PLCH1: variants seen among roughly 807,000 people sequenced by gnomAD.
PLCH1 encodes the protein phospholipase C eta 1.
A neutral mutation model predicts 126.7 loss-of-function variants in PLCH1; 60 were observed. The observed-to-expected ratio is 0.47, with a 90% CI of 0.38 to 0.59. PLCH1 has a LOEUF of 0.59. PLCH1 is among the 20% of genes least tolerant of loss of function. The pLI, the probability that PLCH1 is intolerant of heterozygous loss-of-function variation, is 0.00. For synonymous variants in PLCH1, 719 were observed against 734.9 expected (o/e 0.98, Z 0.35); for missense variants, 1,723 against 2,040.0 (o/e 0.84, Z 2.99).
intron 21 of PLCH1, among the ~76,000 whole-genome samples, chr3:155,469,019 G>T (rs1713044540): frequency 6.6e-6 from 1 of 152,184 alleles, no homozygotes; most frequent in South Asian, 2.1e-4. Context: ...CATATGTTAG[G>T]TCACAAAACA....
At chr3:155,710,772 G>C (rs1747062311) in intron 1 of PLCH1, among the ~76,000 whole-genome samples, 1 of 151,266 alleles carries the variant, frequency 6.6e-6, no homozygotes, top group Admixed American at 6.6e-5. Flanking sequence ...GGCAGAGGTT[G>C]CAGTGAGCTG....
chr3:155,492,542 T>C (rs1167094623), intron 18 of PLCH1, among the ~76,000 whole-genome samples, 187 bp downstream of exon 18: 3 of 152,184 alleles, frequency 2.0e-5, no homozygotes, highest in Non-Finnish European at 4.4e-5. Flanking sequence ...GCCTTCAAAA[T>C]AGATGATGGA....
At chr3:155,580,690 T>C (rs542121822) in intron 6 of PLCH1, among the ~76,000 whole-genome samples, 5 of 152,322 alleles carry the variant, frequency 3.3e-5, no homozygotes, top group African/African-American at 1.2e-4. Context: ...TACTAATTAA[T>C]ATTTTTAGTA....
chr3:155,554,536 C>A (rs996223347), intron 8 of PLCH1, among the ~76,000 whole-genome samples: 1 of 129,590 alleles, frequency 7.7e-6, no homozygotes, highest in Admixed American at 8.2e-5. Flanking sequence ...AGGTCATTTA[C>A]CCAATTTCAC....
chr3:155,534,539 G>A lies in PLCH1; in HGVS notation c.1363-10535C>T, dbSNP rs1306774259. On this transcript the variant is annotated intron_variant, in intron 10 of 22. Transcript: ENST00000460012. The stretch of plus-strand genomic sequence containing the variant: ...TGAGACTTTGGACTTGGACTTTTGG[G>A]TTAAGCCTGGAAAGAGTTAAGACTT... Among the ~76,000 whole-genome samples, 2 of 152,192 alleles carry A rather than the reference G, an allele frequency of 1.3e-5. 1 individual carries two copies. The highest frequency in any genetic ancestry group is 4.1e-4 in the South Asian group (2 of 4,836).
intron 2 of PLCH1, among the ~76,000 whole-genome samples, chr3:155,681,880 G>A (rs528478173): frequency 1.2e-4 from 19 of 152,114 alleles, no homozygotes; most frequent in Non-Finnish European, 2.4e-4. Flanking sequence ...CTACCACTGA[G>A]GCATTGTCCT....
chr3:155,526,781 G>A (rs960582146), intron 10 of PLCH1, among the ~76,000 whole-genome samples: 2 of 152,186 alleles, frequency 1.3e-5, no homozygotes, highest in Non-Finnish European at 2.9e-5. Flanking sequence ...TACAGGGACT[G>A]TGGAATATTC....
intron 1 of PLCH1, among the ~76,000 whole-genome samples, chr3:155,718,007 C>T (rs1404642794): frequency 1.3e-5 from 2 of 152,192 alleles, no homozygotes; most frequent in African/African-American, 2.4e-5. Context: ...CACTTCTGAG[C>T]ATAGGCTGTT....
At chr3:155,472,544 T>C (rs937270573) in intron 21 of PLCH1, among the ~76,000 whole-genome samples, 3 of 151,214 alleles carry the variant, frequency 2.0e-5, no homozygotes, top group African/African-American at 7.3e-5. Context: ...TTCCAATCAA[T>C]AGAAAAAGAG....
intron 21 of PLCH1, among the ~76,000 whole-genome samples, chr3:155,463,865 T>C (rs1351721097): frequency 2.6e-5 from 4 of 152,182 alleles, no homozygotes; most frequent in Non-Finnish European, 5.9e-5. Flanking sequence ...TCTTCCTCCT[T>C]CTAGGCATAC....
intron 11 of PLCH1, among the ~76,000 whole-genome samples, chr3:155,518,741 A>T (rs1416755297): frequency 2.0e-5 from 3 of 152,172 alleles, no homozygotes; most frequent in Non-Finnish European, 4.4e-5. Flanking sequence ...GGACAAAAAA[A>T]AAGAAAGCAT....
intron 21 of PLCH1, among the ~76,000 whole-genome samples, chr3:155,464,300 G>T (rs1712848595): frequency 6.6e-6 from 1 of 152,218 alleles, no homozygotes; most frequent in Non-Finnish European, 1.5e-5. Flanking sequence ...CTCTATGCAA[G>T]CTTATGGAAC....
Position 155,542,290 on chromosome 3 carries a change from A to G in PLCH1, c.1362+7497T>C, listed in dbSNP as rs537441959. ...ATGGAGTCTCGCCGATTGCTAGCAC[A>G]GCAGTCTGAGATCAAACTGCAAGGC... is the stretch of plus-strand genomic sequence containing the variant. On this transcript the variant is annotated intron_variant, in intron 10 of 22. Coordinates refer to ENST00000460012, the MANE Select transcript of PLCH1 (RefSeq NM_014996.4). 1.1e-4 allele frequency among the ~76,000 whole-genome samples: 17 copies of G among 152,312 alleles called. No homozygotes were observed. The East Asian group carries it at 3.3e-3, about 29-fold the overall frequency.
chr3:155,492,956 A>G (rs1716473278), intron 17 of PLCH1, 103 bp from the exon 18 acceptor site: 7 of 978,966 alleles, frequency 7.2e-6, no homozygotes, highest in Non-Finnish European at 1.0e-5. Flanking sequence ...ACAAATGCTG[A>G]ATTACATGAT....
chr3:155,655,726 A>T (rs1741281190), intron 2 of PLCH1, among the ~76,000 whole-genome samples: 1 of 152,198 alleles, frequency 6.6e-6, no homozygotes. Flanking sequence ...CATGGAAAAG[A>T]GAAGGGGGTA....
At position 155,639,981 on chromosome 3, in the gene PLCH1, G is replaced by A. The variant is rs1281001618; in HGVS notation, c.80-43603C>T. ...GCTTCCTTCTTCTTTGCCTTCTGTC[G>A]TGATTGTAAGCTTTCTGAGGCCTCC... On this transcript the variant is annotated intron_variant, in intron 2 of 22. Coordinates refer to ENST00000460012, the MANE Select transcript of PLCH1 (RefSeq NM_014996.4). Among the ~76,000 whole-genome samples the A allele has an allele frequency of 2.6e-5, 4 of 152,224 alleles. No homozygotes were observed. In the East Asian group the frequency reaches 5.8e-4, roughly 22 times the overall value.
chr3:155,574,380 C>G (rs893357817), intron 6 of PLCH1, among the ~76,000 whole-genome samples: 3 of 152,210 alleles, frequency 2.0e-5, no homozygotes, highest in Non-Finnish European at 4.4e-5. Context: ...TATCATGTAA[C>G]TAACATCAAT....
chr3:155,452,914 A>G (rs1712344127), intron 21 of PLCH1, among the ~76,000 whole-genome samples: 1 of 152,176 alleles, frequency 6.6e-6, no homozygotes, highest in South Asian at 2.1e-4. Context: ...ACTGAAATAT[A>G]TTGCAAGTTG....
chr3:155,509,242 T>C (rs1719127011), intron 12 of PLCH1, among the ~76,000 whole-genome samples: 1 of 128,602 alleles, frequency 7.8e-6, no homozygotes, highest in African/African-American at 3.8e-5. Context: ...GATTCTTCTC[T>C]CTTTTTTTCT....
Sources: gnomAD v4.1 joint callset for allele counts (sites outside exome capture counted in the v4.1 genomes callset) on GRCh38, gnomAD v4.1.1 for gene constraint, MANE v1.5 for transcripts, NCBI Gene and HGNC (gene_info 2026-07-23, HGNC 2026-07-21) for gene names.